SIK3: variants seen among roughly 807,000 people sequenced by gnomAD.
SIK3 encodes the protein serine/threonine-protein kinase SIK3.
In SIK3, 28 loss-of-function variants were observed where a neutral mutation model predicts 144.2. The ratio of observed to expected loss-of-function variants is 0.19; its 90% CI spans 0.14 to 0.27. The LOEUF (loss-of-function observed/expected upper bound fraction) is 0.27, where lower values mean the gene tolerates loss of function less well. Among genes scored for constraint, SIK3 ranks in the 10% least tolerant of loss-of-function variants. The pLI, the probability that SIK3 is intolerant of heterozygous loss-of-function variation, is 1.00. For synonymous variants in SIK3, 686 were observed against 676.3 expected, an observed-to-expected ratio of 1.01 and a Z score of -0.22; for missense variants, 1,319 against 1,776.0, an observed-to-expected ratio of 0.74 and a Z score of 4.62.
At chr11:117,031,703 T>TTA (rs1208777852) in intron 1 of SIK3, among the ~76,000 whole-genome samples, 2 of 141,716 alleles carry the variant, frequency 1.4e-5, no homozygotes, top group African/African-American at 5.2e-5. Flanking sequence ...TTTTTTTTTT[T>TTA]TTTTTTTTTT....
intron 4 of SIK3, among the ~76,000 whole-genome samples, chr11:116,898,222 A>G (rs76823414): frequency 1.2e-4 from 18 of 150,114 alleles, no homozygotes; most frequent in African/African-American, 3.4e-4. Context: ...AGAACATGCG[A>G]TGTTTGGTTT....
At chr11:117,059,608 A>G (rs750043586) in intron 1 of SIK3, among the ~76,000 whole-genome samples, 100 of 152,342 alleles carry the variant, frequency 6.6e-4, no homozygotes, top group Middle Eastern at 3.4e-3. Flanking sequence ...CAAAATACCT[A>G]TCTGGTGAAG....
At position 116,901,236 on chromosome 11, in the gene SIK3, G is replaced by A. The variant is rs951115087; in HGVS notation, c.617-3919C>T. Among the ~76,000 whole-genome samples the A allele has an allele frequency of 3.3e-5, 5 of 152,250 alleles. No individual in the cohort carries two copies. In the East Asian group the frequency reaches 5.8e-4, roughly 18 times the overall value. ...TTAATTAGTAAATGGAGGAGATACC[G>A]TTTTATTTATCCTAGTCTCTACACA... is the stretch of plus-strand genomic sequence containing the variant. On this transcript the variant is annotated intron_variant, in intron 4 of 24. Coordinates refer to ENST00000445177, the MANE Select transcript of SIK3 (RefSeq NM_001366686.3).
chr11:116,960,062 A>C (rs999195835), intron 1 of SIK3, among the ~76,000 whole-genome samples: 1 of 152,342 alleles, frequency 6.6e-6, no homozygotes, highest in African/African-American at 2.4e-5. Context: ...ATAATAAATA[A>C]ATACATACAT....
chr11:116,925,248 C>T (rs1242976154), intron 4 of SIK3, among the ~76,000 whole-genome samples: 1 of 147,700 alleles, frequency 6.8e-6, no homozygotes, highest in Non-Finnish European at 1.5e-5. Flanking sequence ...GGCCCTGTCT[C>T]GAAAACAAAA....
chr11:116,902,250 C>T lies in SIK3; in HGVS notation c.617-4933G>A, dbSNP rs373468019. On this transcript the variant is annotated intron_variant, in intron 4 of 24. Transcript: ENST00000445177. ...AATTTAAACCAGTTGAGTTTAAATTCGCCTATAAGCAGATAAAATGTACAG... is the reference window on the plus strand; with the variant it reads ...AATTTAAACCAGTTGAGTTTAAATTTGCCTATAAGCAGATAAAATGTACAG... Among the ~76,000 whole-genome samples, 72 of 152,290 alleles carry T rather than the reference C, an allele frequency of 4.7e-4. 1 individual carries two copies. Among genetic ancestry groups the T allele is most frequent in the African/African-American group, 1.6e-3 (66 of 41,564 alleles).
chr11:117,071,278 A>G (rs1373745167), intron 1 of SIK3, among the ~76,000 whole-genome samples: 4 of 152,098 alleles, frequency 2.6e-5, no homozygotes, highest in Admixed American at 6.6e-5. Context: ...AGCCCACAGT[A>G]TAAGAAATTA....
chr11:117,009,182 G>A (rs1229570659), intron 1 of SIK3, among the ~76,000 whole-genome samples: 1 of 149,554 alleles, frequency 6.7e-6, no homozygotes, highest in African/African-American at 2.5e-5. Context: ...TGCAGTGAGC[G>A]AGATTGTACC....
intron 1 of SIK3, among the ~76,000 whole-genome samples, chr11:117,015,501 T>G (rs1223691513): frequency 6.6e-6 from 1 of 152,070 alleles, no homozygotes; most frequent in Non-Finnish European, 1.5e-5. Flanking sequence ...AACCTCCACC[T>G]CCTGGGTTCA....
intron 1 of SIK3, among the ~76,000 whole-genome samples, chr11:116,976,833 C>T (rs2135491221): frequency 6.6e-6 from 1 of 152,200 alleles, no homozygotes; most frequent in Non-Finnish European, 1.5e-5. Context: ...AAATTGTTTT[C>T]ACAATAAACT....
At chr11:117,075,494 G>GT (rs1954470472) in intron 1 of SIK3, among the ~76,000 whole-genome samples, 1 of 151,032 alleles carries the variant, frequency 6.6e-6, no homozygotes, top group Non-Finnish European at 1.5e-5. Context: ...CTTGCTATAC[G>GT]TATCTATGTG....
At chr11:116,906,377 A>C (rs771837978) in intron 4 of SIK3, among the ~76,000 whole-genome samples, 9 of 152,320 alleles carry the variant, frequency 5.9e-5, no homozygotes, top group Non-Finnish European at 1.0e-4. Flanking sequence ...GAGTTTGAGA[A>C]GGTGATCAGA....
At chr11:117,064,522 C>A (rs992167543) in intron 1 of SIK3, among the ~76,000 whole-genome samples, 5 of 152,148 alleles carry the variant, frequency 3.3e-5, no homozygotes, top group African/African-American at 1.2e-4. Flanking sequence ...GATCACATTT[C>A]TTTTCTACTG....
intron 1 of SIK3, among the ~76,000 whole-genome samples, chr11:117,073,353 C>G (rs1954363687): frequency 6.6e-6 from 1 of 151,990 alleles, no homozygotes; most frequent in African/African-American, 2.4e-5. Context: ...CATACTCATA[C>G]TTTCTGGTTA....
chr11:117,011,183 A>C (rs1240476750), intron 1 of SIK3, among the ~76,000 whole-genome samples: 2 of 152,204 alleles, frequency 1.3e-5, no homozygotes, highest in East Asian at 3.8e-4. Context: ...TAAAAGAAGA[A>C]AAAAGAGATG....
At chr11:116,984,977 A>C (rs1039394513) in intron 1 of SIK3, among the ~76,000 whole-genome samples, 3 of 152,228 alleles carry the variant, frequency 2.0e-5, no homozygotes, top group Non-Finnish European at 2.9e-5. Context: ...CTTCATAGCG[A>C]AACTTCAAAA....
chr11:116,891,414 G>A (rs539703725), intron 6 of SIK3, among the ~76,000 whole-genome samples: 11 of 152,350 alleles, frequency 7.2e-5, no homozygotes, highest in African/African-American at 2.4e-4. Context: ...CCAGGAGTTC[G>A]AGTTCAGTCT....
chr11:117,002,311 G>A (rs564761204), intron 1 of SIK3, among the ~76,000 whole-genome samples: 1 of 150,266 alleles, frequency 6.7e-6, no homozygotes, highest in Non-Finnish European at 1.5e-5. Flanking sequence ...TTTTTTTTTA[G>A]CTCATCAGCT....
intron 1 of SIK3, among the ~76,000 whole-genome samples, chr11:117,084,020 TAA>T (rs1954900233): frequency 1.3e-5 from 2 of 152,184 alleles, no homozygotes; most frequent in South Asian, 4.1e-4. Context: ...CTATAAATAA[TAA>T]AAGATTCTAT....
Sources: gnomAD v4.1 joint callset for allele counts (sites outside exome capture counted in the v4.1 genomes callset) on GRCh38, gnomAD v4.1.1 for gene constraint, MANE v1.5 for transcripts, NCBI Gene and HGNC (gene_info 2026-07-23, HGNC 2026-07-21) for gene names.